The following ANK1 variants were observed in gnomAD, a reference collection of about 807,000 sequenced individuals.
ANK1 encodes ankyrin-1.
ANK1 carries 51 observed loss-of-function variants against 210.4 expected under a neutral mutation model. The observed-to-expected ratio is 0.24, with a 90% CI of 0.19 to 0.31. The LOEUF is 0.31. Among genes scored for constraint, ANK1 ranks in the 10% least tolerant of loss-of-function variants. The pLI is 1.00. For missense variants in ANK1, 2,051 were observed against 2,504.4 expected (o/e 0.82, Z 3.86); for synonymous variants, 967 against 1,025.9 (o/e 0.94, Z 1.10).
intron 17 of ANK1, among the ~76,000 whole-genome samples, chr8:41,707,076 G>C (rs766089130): frequency 1.3e-5 from 2 of 152,222 alleles, no homozygotes; most frequent in African/African-American, 2.4e-5. Context: ...CTTCAGCCTA[G>C]GTGACAGAGC....
intron 38 of ANK1, among the ~76,000 whole-genome samples, chr8:41,671,658 C>G (rs112955070): frequency 6.6e-6 from 1 of 150,800 alleles, no homozygotes; most frequent in African/African-American, 2.5e-5. Flanking sequence ...CCTCCCAGCA[C>G]CCCGATGTCC....
intron 2 of ANK1, 55 bp downstream of exon 2, chr8:41,757,981 G>T: frequency 1.4e-6 from 2 of 1,468,944 alleles, no homozygotes; most frequent in Non-Finnish European, 1.9e-6. Context: ...TCAGGAAATG[G>T]CATCAGGCAA....
intron 41 of ANK1, 105 bp from the exon 42 acceptor site, chr8:41,661,669 C>A: frequency 6.2e-7 from 1 of 1,600,032 alleles, no homozygotes; most frequent in South Asian, 1.1e-5. Flanking sequence ...ACACACTGCC[C>A]ACCAGGGAGA....
chr8:41,736,756 T>C (rs1833537498), intron 2 of ANK1, among the ~76,000 whole-genome samples: 1 of 152,170 alleles, frequency 6.6e-6, no homozygotes, highest in African/African-American at 2.4e-5. Context: ...GCCCCTGCTG[T>C]TTGAGGCCAA....
chr8:41,696,350 C>T lies in ANK1; in HGVS notation c.2960+13G>A, dbSNP rs200746947. The T allele has an allele frequency of 2.5e-5, 41 of 1,612,554 alleles. No homozygotes were observed. The East Asian group carries it at 3.3e-4, about 13-fold the overall frequency. The stretch of plus-strand genomic sequence containing the variant: ...GGGACAGGGGAGAACACGGGCTGCC[C>T]GCGCAAGCTCACCTCAGGAACTGTG... On this transcript the variant is annotated intron_variant, in intron 26 of 42. Transcript: ENST00000289734.
intron 39 of ANK1, chr8:41,664,328 C>G (rs1809621711): frequency 2.7e-6 from 1 of 369,796 alleles, no homozygotes; most frequent in African/African-American, 2.1e-5. Flanking sequence ...TTTAAAATAG[C>G]CAGGCATGGT....
Position 41,758,135 on chromosome 8 carries a change from G to T in ANK1, c.30C>A (p.Ala10=), listed in dbSNP as rs763817982. The change falls in exon 2 of 43, where the codon GCC becomes GCA. Residue 10 remains alanine (A), a splice_region_variant and synonymous_variant. Coordinates refer to ENST00000289734, the MANE Select transcript of ANK1 (RefSeq NM_000037.4). MPYSVGFRE[A]DAATSFLRAA... ...CTCTCAGAAAGCTGGTAGCAGCATC[G>T]GCCTGTGAGGAAAAACAACAGGCGG... is the stretch of plus-strand genomic sequence containing the variant. The T allele has an allele frequency of 5.6e-6, 9 of 1,613,350 alleles. No individual in the cohort carries two copies. The African/African-American group carries it at 1.2e-4, about 22-fold the overall frequency.
At chr8:41,680,097 G>C (rs113040429) in intron 37 of ANK1, among the ~76,000 whole-genome samples, 4,119 of 152,204 alleles carry the variant, frequency 0.027, 193 homozygotes, top group African/African-American at 0.094. Flanking sequence ...ACAGCTCCTT[G>C]GATTTGGCTG....
In ANK1 at chr8:41,704,457, G is replaced by A; in HGVS notation, c.2113C>T (p.Leu705Phe). The stretch of plus-strand genomic sequence containing the variant: ...TTTCCATAGTGACTGGCCACATGGA[G>A]GGGAGTGTAGCCCATCTGAAAAGCA... Reference protein sequence around the residue: ...DATTRMGYTPLHVASHYGNIK... With the variant: ...DATTRMGYTPFHVASHYGNIK... Residue 705 changes from leucine (L) to phenylalanine (F), a missense_variant, in exon 19 of 43, where the codon CTC (leucine) becomes TTC (phenylalanine). Around this residue, in one of 6 missense-constraint regions of ANK1, gnomAD observed 1,413 missense variants for 1,707.4 expected, o/e 0.83. Coordinates refer to ENST00000289734, the MANE Select transcript of ANK1 (RefSeq NM_000037.4). This position sits in a 1 kb window ranked among gnomAD's most constrained non-coding sequence, Gnocchi z 4.1. 1 of 1,614,118 alleles carries A rather than the reference G, an allele frequency of 6.2e-7. No homozygotes were observed. The highest frequency in any genetic ancestry group is 8.5e-7 in the Non-Finnish European group (1 of 1,179,950).
chr8:41,885,527 G>A (rs143434009), intron 1 of ANK1, among the ~76,000 whole-genome samples: 1 of 152,332 alleles, frequency 6.6e-6, no homozygotes, highest in African/African-American at 2.4e-5. Flanking sequence ...CGGCGGACAG[G>A]CCCTGGGTCC....
intron 2 of ANK1, among the ~76,000 whole-genome samples, chr8:41,743,339 T>A (rs1356678287): frequency 1.3e-5 from 2 of 152,188 alleles, no homozygotes; most frequent in African/African-American, 4.8e-5. Context: ...AGCGACGGCA[T>A]GATAGTTTGT....
intron 2 of ANK1, among the ~76,000 whole-genome samples, chr8:41,757,229 A>T (rs1270058977): frequency 6.6e-6 from 1 of 152,244 alleles, no homozygotes; most frequent in Admixed American, 6.5e-5. Flanking sequence ...CACATTTTTA[A>T]TGGCTAAGAT....
chr8:41,711,400 C>T (rs1179452179), intron 16 of ANK1, among the ~76,000 whole-genome samples: 2 of 152,192 alleles, frequency 1.3e-5, no homozygotes, highest in African/African-American at 2.4e-5. Flanking sequence ...CACTCCCTTT[C>T]GGAGTTTAGG....
intron 1 of ANK1, among the ~76,000 whole-genome samples, chr8:41,767,057 C>T (rs1376491474): frequency 1.3e-5 from 2 of 152,232 alleles, no homozygotes; most frequent in East Asian, 3.9e-4. Context: ...CCGTGCCCCT[C>T]TTCCAGGCCG....
At chr8:41,706,817 G>A (rs894599896) in intron 17 of ANK1, among the ~76,000 whole-genome samples, 1 of 152,234 alleles carries the variant, frequency 6.6e-6, no homozygotes, top group Non-Finnish European at 1.5e-5. Context: ...CTGTTTAAAT[G>A]GCTGGGCGCG....
At chr8:41,853,051 C>T (rs1350906581) in intron 1 of ANK1, among the ~76,000 whole-genome samples, 1 of 152,174 alleles carries the variant, frequency 6.6e-6, no homozygotes, top group Non-Finnish European at 1.5e-5. Flanking sequence ...CCCTGTAAAA[C>T]AGTGAGAAAC....
intron 2 of ANK1, among the ~76,000 whole-genome samples, chr8:41,746,483 A>G (rs576511636): frequency 2.4e-4 from 37 of 152,162 alleles, no homozygotes; most frequent in Non-Finnish European, 5.1e-4. Context: ...CTTTGTTGCA[A>G]TCTAACTTTA....
chr8:41,772,603 T>C (rs1843157997), intron 1 of ANK1, among the ~76,000 whole-genome samples: 2 of 152,166 alleles, frequency 1.3e-5, no homozygotes, highest in South Asian at 4.1e-4. Flanking sequence ...ATCTCAAAGC[T>C]CTACCCTGCA....
intron 2 of ANK1, among the ~76,000 whole-genome samples, chr8:41,752,550 G>T (rs1157957989): frequency 1.3e-5 from 2 of 152,108 alleles, no homozygotes; most frequent in African/African-American, 2.4e-5. Flanking sequence ...ATCTGGAACA[G>T]CTCTGCTCTT....
Sources: gnomAD v4.1 joint callset for allele counts (sites outside exome capture counted in the v4.1 genomes callset) on GRCh38, gnomAD v4.1.1 for gene constraint, gnomAD v4.1.1 regional missense constraint, Gnocchi (gnomAD v3.1) non-coding constraint, MANE v1.5 for transcripts, NCBI Gene and HGNC (gene_info 2026-07-23, HGNC 2026-07-21) for gene names.